Variants in PROK2 observed in about 807,000 individuals in gnomAD.
PROK2 encodes prokineticin-2.
In PROK2, 8 loss-of-function variants were observed where a neutral mutation model predicts 14.2. The ratio of observed to expected loss-of-function variants is 0.56; its 90% CI spans 0.33 to 1.02. The LOEUF (loss-of-function observed/expected upper bound fraction) is 1.02. Ranked by LOEUF, PROK2 falls within the 50% of genes least tolerant of loss-of-function variation. The pLI is 0.03. For missense variants in PROK2, 154 were observed against 160.4 expected (o/e 0.96, Z 0.22); for synonymous variants, 59 against 60.7 (o/e 0.97, Z 0.13).
intron 1 of PROK2, among the ~76,000 whole-genome samples, chr3:71,784,516 G>A (rs2050195370): frequency 6.6e-6 from 1 of 152,190 alleles, no homozygotes; most frequent in East Asian, 1.9e-4. Flanking sequence ...GTAGGATTAA[G>A]ACTCTGGGCA....
chr3:71,774,592 G>A, intron 2 of PROK2, 85 bp from the exon 3 acceptor site: 1 of 1,483,548 alleles, frequency 6.7e-7, no homozygotes, highest in Non-Finnish European at 9.1e-7. Flanking sequence ...TGCATGTAGT[G>A]AACTGGCGGA....
chr3:71,776,161 C>T (rs1050789974), intron 2 of PROK2, among the ~76,000 whole-genome samples: 19 of 152,022 alleles, frequency 1.2e-4, no homozygotes, highest in African/African-American at 4.1e-4. Context: ...TCAAGGACAC[C>T]AAGACTGTAT....
Position 71,772,955 on chromosome 3 carries a change from A to C in PROK2, c.286-127T>G, listed in dbSNP as rs2050091957. ...ACTGAGCGTTAACTACCCATTAGGC[A>C]ATATGCTCAGTACTTTTTATTTATT... On this transcript the variant is annotated intron_variant, in intron 3 of 3. Coordinates refer to ENST00000295619, the MANE Select transcript of PROK2 (RefSeq NM_001126128.2). The C allele has an allele frequency of 8.0e-6, 6 of 750,842 alleles. No individual in the cohort carries two copies. In the East Asian group the frequency reaches 1.6e-4, roughly 20 times the overall value. 46.5% of individuals were successfully genotyped at this position (750,842 alleles called of 1,614,324 possible).
At chr3:71,778,941 A>G (rs1430539073) in intron 2 of PROK2, among the ~76,000 whole-genome samples, 2 of 152,390 alleles carry the variant, frequency 1.3e-5, no homozygotes, top group East Asian at 1.9e-4. Context: ...TCTATTATTT[A>G]AAGATTTCAT....
intron 1 of PROK2, 30 bp from the exon 2 acceptor site, chr3:71,781,622 T>G: frequency 6.2e-7 from 1 of 1,601,176 alleles, no homozygotes; most frequent in South Asian, 1.1e-5. Flanking sequence ...CAGATAAATA[T>G]AGATAACAGG....
chr3:71,772,627 G>C lies in PROK2; in HGVS notation c.*97C>G. 4.9e-6 allele frequency: 5 copies of C among 1,018,544 alleles called. No individual in the cohort carries two copies. The highest frequency in any genetic ancestry group is 6.2e-6 in the Non-Finnish European group (4 of 644,330). 63.1% of individuals were successfully genotyped at this position (1,018,544 alleles called of 1,614,324 possible). ...TACTTGGAAAGTTGAGGAAGCAAGA[G>C]CATTTCTTTCTGGCACATTTTTTGT... On this transcript the variant is annotated 3_prime_UTR_variant, in exon 4 of 4. Transcript: ENST00000295619.
chr3:71,778,716 G>A (rs2050139383), intron 2 of PROK2, among the ~76,000 whole-genome samples: 1 of 152,138 alleles, frequency 6.6e-6, no homozygotes, highest in Non-Finnish European at 1.5e-5. Flanking sequence ...GTTTTGAACA[G>A]ACCATACAGC....
chr3:71,775,592 T>C (rs1398467143), intron 2 of PROK2, among the ~76,000 whole-genome samples: 6 of 152,156 alleles, frequency 3.9e-5, no homozygotes, highest in Non-Finnish European at 1.5e-5. Flanking sequence ...ATCCCAAACC[T>C]CAGCACCAGA....
chr3:71,772,800 T>C lies in PROK2; in HGVS notation c.314A>G (p.His105Arg), dbSNP rs777588279. The change falls in exon 4 of 4, where the codon CAC becomes CGC. Residue 105 changes from histidine (H) to arginine (R), a missense_variant. Physicochemically the swap from His to Arg is conservative, Grantham distance 29. Transcript: ENST00000295619. ...CAAGCCTGGCAGACATGGGCAAGTG[T>C]GATGCATCCTCCGCCCAAAAAATGG... ...EVPFFGRRMH[H>R]TCPCLPGLAC... 1.9e-6 allele frequency: 3 copies of C among 1,614,070 alleles called. No individual in the cohort carries two copies. The highest frequency in any genetic ancestry group is 1.6e-4 in the Middle Eastern group (1 of 6,084).
chr3:71,782,277 C>A (rs577919777), intron 1 of PROK2, among the ~76,000 whole-genome samples: 24 of 152,268 alleles, frequency 1.6e-4, no homozygotes, highest in Non-Finnish European at 2.9e-4. Context: ...CTGCAAAGAG[C>A]AAATTACTGG....
intron 1 of PROK2, among the ~76,000 whole-genome samples, chr3:71,784,584 T>C (rs1008531328): frequency 1.3e-5 from 2 of 152,146 alleles, no homozygotes; most frequent in African/African-American, 4.8e-5. Context: ...AATTTTAAGG[T>C]TCGAGGTTGG....
intron 3 of PROK2, among the ~76,000 whole-genome samples, chr3:71,773,357 C>A (rs1578407786): frequency 6.6e-6 from 1 of 152,068 alleles, no homozygotes; most frequent in Non-Finnish European, 1.5e-5. Context: ...TTAATTGTAC[C>A]CATTTTACCG....
At chr3:71,776,410 T>C (rs1176383620) in intron 2 of PROK2, among the ~76,000 whole-genome samples, 1 of 146,638 alleles carries the variant, frequency 6.8e-6, no homozygotes. Context: ...TCTTGCTCTG[T>C]TGTTGTGCCC....
Position 71,772,532 on chromosome 3 carries a change from C to A in PROK2, c.*192G>T. On this transcript the variant is annotated 3_prime_UTR_variant, in exon 4 of 4. Coordinates refer to ENST00000295619, the MANE Select transcript of PROK2 (RefSeq NM_001126128.2). ...CCATAATGCCTTACACTTCATATTT[C>A]TATCCAAAAGTAAAATTCTCTTTCG... is the stretch of plus-strand genomic sequence containing the variant. The A allele has an allele frequency of 1.6e-6, 1 of 614,258 alleles. No homozygotes were observed. The highest frequency in any genetic ancestry group is 2.9e-6 in the Non-Finnish European group (1 of 349,414). The allele number at this position is 614,258 out of a possible 1,614,324, so 38.1% of individuals were successfully genotyped here.
In PROK2 at chr3:71,772,559, TAA is replaced by T. The variant is rs56679628; in HGVS notation, c.*163_*164del. The T allele has an allele frequency of 0.016, 9,466 of 581,324 alleles. 11 individuals are homozygous for T. Among genetic ancestry groups the T allele is most frequent in the African/African-American group, 0.029 (1,482 of 50,368 alleles). 36.0% of individuals were successfully genotyped at this position (581,324 alleles called of 1,614,324 possible). On this transcript the variant is annotated 3_prime_UTR_variant, in exon 4 of 4. Transcript: ENST00000295619. ...ATCCAAAAGTAAAATTCTCTTTCGATAAAAAAAAAAAAAAATCATTTACAAAT... is the reference window on the plus strand; with the variant it reads ...ATCCAAAAGTAAAATTCTCTTTCGATAAAAAAAAAAAAATCATTTACAAAT...
At chr3:71,774,769 G>A (rs1224973994) in intron 2 of PROK2, among the ~76,000 whole-genome samples, 1 of 152,100 alleles carries the variant, frequency 6.6e-6, no homozygotes, top group Non-Finnish European at 1.5e-5. Context: ...CTGAGAGCCG[G>A]CTCTTTTGCT....
At chr3:71,782,025 A>G (rs1213898922) in intron 1 of PROK2, among the ~76,000 whole-genome samples, 2 of 152,344 alleles carry the variant, frequency 1.3e-5, no homozygotes, top group East Asian at 3.9e-4. Context: ...CCAATTTAAA[A>G]AAAGAGATTT....
At chr3:71,776,364 A>ATTTTTTTTTTTTTTTTTTTTTTT (rs58407323) in intron 2 of PROK2, among the ~76,000 whole-genome samples, 1 of 75,436 alleles carries the variant, frequency 1.3e-5, no homozygotes, top group African/African-American at 5.1e-5. Flanking sequence ...TTCGCTTTTC[A>ATTTTTTTTTTTTTTTTTTTTTTT]TTTTTTTTTT....
chr3:71,778,547 G>A (rs529857287), intron 2 of PROK2, among the ~76,000 whole-genome samples: 19 of 151,824 alleles, frequency 1.3e-4, no homozygotes, highest in Admixed American at 8.5e-4. Flanking sequence ...ACGGATTTTC[G>A]GTGGCTAATG....
Sources: gnomAD v4.1 joint callset for allele counts (sites outside exome capture counted in the v4.1 genomes callset) on GRCh38, gnomAD v4.1.1 for gene constraint, MANE v1.5 for transcripts, NCBI Gene and HGNC (gene_info 2026-07-23, HGNC 2026-07-21) for gene names.